The following ANKS6 variants were observed in gnomAD, a reference collection of about 807,000 sequenced individuals.
The protein encoded by ANKS6 is ankyrin repeat and SAM domain-containing protein 6.
Under a neutral mutation model 77.9 loss-of-function variants are expected in ANKS6, and 47 were observed. That is an observed-to-expected ratio of 0.60 (90% confidence interval 0.48 to 0.77). The LOEUF (loss-of-function observed/expected upper bound fraction) is 0.77. Among genes scored for constraint, ANKS6 ranks in the 30% least tolerant of loss-of-function variants. The pLI, the probability that ANKS6 is intolerant of heterozygous loss-of-function variation, is 0.00. For synonymous variants in ANKS6, 488 were observed against 501.7 expected, an observed-to-expected ratio of 0.97 and a Z score of 0.37; for missense variants, 1,150 against 1,159.1, an observed-to-expected ratio of 0.99 and a Z score of 0.11.
At chr9:98,752,865 C>T (rs1289695121) in intron 12 of ANKS6, among the ~76,000 whole-genome samples, 11 of 152,154 alleles carry the variant, frequency 7.2e-5, no homozygotes. Context: ...GAACAGCTGA[C>T]CCAGCCCAAG....
chr9:98,750,173 C>T (rs1054884029), intron 13 of ANKS6, among the ~76,000 whole-genome samples: 1 of 152,228 alleles, frequency 6.6e-6, no homozygotes, highest in Non-Finnish European at 1.5e-5. Flanking sequence ...TCTGCCCATT[C>T]TACCCGCCTA....
chr9:98,789,934 T>C, intron 2 of ANKS6, 170 bp downstream of exon 2: 2 of 1,010,014 alleles, frequency 2.0e-6, no homozygotes, highest in Middle Eastern at 3.4e-4. Context: ...AGAACCTGCA[T>C]GTCACAGGCA....
Position 98,762,062 on chromosome 9 carries a change from T to C in ANKS6, c.2143-5459A>G, listed in dbSNP as rs1291138168. ...TTTAAGCTTCTTTATCAGTGTTTTG[T>C]AGTTTTTGACCTTTTGATTCCACAC... On this transcript the variant is annotated intron_variant, in intron 11 of 14. Transcript: ENST00000353234. 2.0e-5 allele frequency among the ~76,000 whole-genome samples: 3 copies of C among 152,224 alleles called. No individual in the cohort carries two copies. The East Asian group carries it at 5.8e-4, about 29-fold the overall frequency.
chr9:98,770,354 C>A (rs769343771), intron 10 of ANKS6, among the ~76,000 whole-genome samples: 6 of 152,120 alleles, frequency 3.9e-5, no homozygotes, highest in South Asian at 2.1e-4. Context: ...TTATTAGCAG[C>A]GTGAGAACAG....
rs368021244 is a variant in ANKS6 at position 98,795,673 on chromosome 9, C to T, written c.359+460G>A. Reference sequence around the variant, plus strand: ...CTTTTCTACCAGAAACCTTCCCCCACGTCTCCAAAATGGGTCACCTGCCCC... The same window carrying T: ...CTTTTCTACCAGAAACCTTCCCCCATGTCTCCAAAATGGGTCACCTGCCCC... On this transcript the variant is annotated intron_variant, in intron 1 of 14. Coordinates refer to ENST00000353234, the MANE Select transcript of ANKS6 (RefSeq NM_173551.5). Among the ~76,000 whole-genome samples, 7 of 152,282 alleles carry T rather than the reference C, an allele frequency of 4.6e-5. No homozygotes were observed. In the South Asian group the frequency reaches 1.2e-3, roughly 27 times the overall value.
Position 98,732,723 on chromosome 9 carries a change from A to C in ANKS6, c.*3796T>G. ...ACTATCCCCCTGTAACCAAAAGGGA[A>C]ACTGGGACTCAAAGGGAAGAAGAAA... On this transcript the variant is annotated 3_prime_UTR_variant, in exon 15 of 15. Transcript: ENST00000353234. 2.8e-6 allele frequency: 4 copies of C among 1,439,578 alleles called. No individual in the cohort carries two copies. Among genetic ancestry groups the C allele is most frequent in the Non-Finnish European group, 3.6e-6 (4 of 1,101,186 alleles). The allele number at this position is 1,439,578 out of a possible 1,614,324, so 89.2% of individuals were successfully genotyped here.
intron 9 of ANKS6, 30 bp from the exon 10 acceptor site, chr9:98,771,076 G>A: frequency 1.4e-6 from 2 of 1,481,300 alleles, no homozygotes; most frequent in Non-Finnish European, 1.8e-6. Context: ...GCAGCACTTA[G>A]GGAGGCTGCT....
chr9:98,763,493 G>A (rs1360383470), intron 11 of ANKS6, among the ~76,000 whole-genome samples: 1 of 151,920 alleles, frequency 6.6e-6, no homozygotes, highest in Non-Finnish European at 1.5e-5. Flanking sequence ...GCATCACATA[G>A]AGGTAAATTT....
intron 7 of ANKS6, 93 bp downstream of exon 7, chr9:98,778,133 C>T (rs1193284730): frequency 7.0e-7 from 1 of 1,429,156 alleles, no homozygotes; most frequent in East Asian, 2.4e-5. Context: ...CATCATCTTA[C>T]CCCTGACAGC....
In ANKS6 at chr9:98,796,167, G is replaced by T; in HGVS notation, c.325C>A (p.His109Asn). The T allele has an allele frequency of 7.1e-7, 1 of 1,415,624 alleles. No individual in the cohort carries two copies. The highest frequency in any genetic ancestry group is 9.2e-7 in the Non-Finnish European group (1 of 1,085,966). The allele number at this position is 1,415,624 out of a possible 1,614,324, so 87.7% of individuals were successfully genotyped here. A position where few individuals can be genotyped will look rare whatever the true frequency, so the allele number is the denominator to read the frequency against. ...TGCATGAGCGCGCTCCAGCCGTAGT[G>T]GTTGCGGCTGTTGACCGAGGCACCG... ...RRGASVNSRN[H>N]YGWSALMQAA... The change falls in exon 1 of 15, where the codon CAC becomes AAC. Residue 109 changes from histidine (H) to asparagine (N), a missense_variant. Physicochemically the swap from His to Asn is moderately conservative, Grantham distance 68 (BLOSUM62 1). Coordinates refer to ENST00000353234, the MANE Select transcript of ANKS6 (RefSeq NM_173551.5).
At chr9:98,773,162 C>CCAG (rs1163373765) in intron 9 of ANKS6, among the ~76,000 whole-genome samples, 1 of 152,200 alleles carries the variant, frequency 6.6e-6, no homozygotes, top group African/African-American at 2.4e-5. Context: ...TCTCCAGGCG[C>CCAG]CAGGCTCTTG....
chr9:98,796,061 C>A, intron 1 of ANKS6, 72 bp downstream of exon 1: 3 of 1,253,588 alleles, frequency 2.4e-6, no homozygotes, highest in Non-Finnish European at 3.0e-6. Context: ...GGCATCCGGC[C>A]GCCGGGGACC....
At chr9:98,773,789 C>T (rs1201453258) in intron 9 of ANKS6, 88 bp downstream of exon 9, 15 of 1,256,100 alleles carry the variant, frequency 1.2e-5, no homozygotes, top group East Asian at 1.1e-4. Context: ...CCTCTGGATT[C>T]GTCGGTTTGA....
intron 12 of ANKS6, among the ~76,000 whole-genome samples, chr9:98,752,512 G>T (rs1473448278): frequency 6.6e-6 from 1 of 152,168 alleles, no homozygotes; most frequent in Non-Finnish European, 1.5e-5. Context: ...AGGATGGAGA[G>T]GTCCCTGTCA....
At position 98,734,337 on chromosome 9, in the gene ANKS6, C is replaced by T; in HGVS notation, c.*2182G>A. On this transcript the variant is annotated 3_prime_UTR_variant, in exon 15 of 15. Transcript: ENST00000353234. ...GAGGTCTACATTTGTGAAAAGGTGA[C>T]CCCCCGGTGCAGCTGTGTATCATTG... is the stretch of plus-strand genomic sequence containing the variant. The T allele has an allele frequency of 1.0e-6, 1 of 985,352 alleles. No homozygotes were observed. The highest frequency in any genetic ancestry group is 1.2e-6 in the Non-Finnish European group (1 of 829,930). The allele number at this position is 985,352 out of a possible 1,614,324, so 61.0% of individuals were successfully genotyped here.
At chr9:98,794,670 G>GC (rs1835082064) in intron 1 of ANKS6, among the ~76,000 whole-genome samples, 1 of 152,244 alleles carries the variant, frequency 6.6e-6, no homozygotes, top group East Asian at 1.9e-4. Context: ...ACACTCTGAG[G>GC]CATGTCAGTG....
intron 9 of ANKS6, among the ~76,000 whole-genome samples, chr9:98,772,680 C>G (rs553467554): frequency 6.6e-6 from 1 of 152,344 alleles, no homozygotes; most frequent in Admixed American, 6.5e-5. Context: ...GTAAGCGAAA[C>G]AGAACACACT....
chr9:98,733,824 A>G lies in ANKS6; in HGVS notation c.*2695T>C. The G allele has an allele frequency of 1.0e-6, 1 of 985,318 alleles. No individual in the cohort carries two copies. 61.0% of individuals were successfully genotyped at this position (985,318 alleles called of 1,614,324 possible). A position where few individuals can be genotyped will look rare whatever the true frequency, so the allele number is the denominator to read the frequency against. ...GGAACCTCACCCCACTTTCACATAC[A>G]CACCCTACGTTTCTTTATGAAAAAC... On this transcript the variant is annotated 3_prime_UTR_variant, in exon 15 of 15. Transcript: ENST00000353234.
chr9:98,796,078 CG>C (rs1835158400), intron 1 of ANKS6, 54 bp downstream of exon 1: 2 of 1,269,576 alleles, frequency 1.6e-6, no homozygotes, highest in East Asian at 3.2e-5. Flanking sequence ...GACCGCGTCT[CG>C]GGCCAGCGCC....
Sources: gnomAD v4.1 joint callset for allele counts (sites outside exome capture counted in the v4.1 genomes callset) on GRCh38, gnomAD v4.1.1 for gene constraint, MANE v1.5 for transcripts, NCBI Gene and HGNC (gene_info 2026-07-23, HGNC 2026-07-21) for gene names.